The following MYO1E variants were observed in gnomAD, a reference collection of about 807,000 sequenced individuals.
The protein encoded by MYO1E is unconventional myosin-Ie.
In MYO1E, 68 loss-of-function variants were observed where a neutral mutation model predicts 151.1. The observed-to-expected ratio is 0.45, with a 90% CI of 0.37 to 0.55. The LOEUF (loss-of-function observed/expected upper bound fraction) is 0.55, where lower values mean the gene tolerates loss of function less well. MYO1E is among the 20% of genes least tolerant of loss of function. The probability of loss-of-function intolerance (pLI) is 0.00; values close to 1 mark genes in which losing one functional copy is unlikely to be tolerated. For synonymous variants in MYO1E, 601 were observed against 501.7 expected, an observed-to-expected ratio of 1.20 and a Z score of -2.64; for missense variants, 1,363 against 1,389.3, an observed-to-expected ratio of 0.98 and a Z score of 0.30.
intron 18 of MYO1E, among the ~76,000 whole-genome samples, chr15:59,181,174 C>T (rs551193227): frequency 6.6e-6 from 1 of 152,134 alleles, no homozygotes; most frequent in African/African-American, 2.4e-5. Context: ...CTCTCTTGCC[C>T]GTGAAGTGGA....
At chr15:59,154,910 C>G (rs1405585752) in intron 25 of MYO1E, among the ~76,000 whole-genome samples, 1 of 152,212 alleles carries the variant, frequency 6.6e-6, no homozygotes, top group Non-Finnish European at 1.5e-5. Context: ...AAGAGGGTGG[C>G]TCCTCATCCA....
intron 1 of MYO1E, among the ~76,000 whole-genome samples, chr15:59,313,972 C>CG (rs1292959245): frequency 6.6e-6 from 1 of 152,166 alleles, no homozygotes; most frequent in Non-Finnish European, 1.5e-5. Flanking sequence ...AGTTAGACAG[C>CG]GTGGCCTCCT....
intron 1 of MYO1E, among the ~76,000 whole-genome samples, chr15:59,353,403 G>GA (rs1209156166): frequency 4.5e-4 from 60 of 133,784 alleles, no homozygotes; most frequent in East Asian, 3.3e-3. Context: ...AGAAAAAAAA[G>GA]AAAAAAAAAT....
chr15:59,370,959 G>A (rs2080940806), intron 1 of MYO1E, among the ~76,000 whole-genome samples: 1 of 152,120 alleles, frequency 6.6e-6, no homozygotes, highest in African/African-American at 2.4e-5. Context: ...CCAAACACAT[G>A]CCCAATGGGA....
chr15:59,243,901 C>G (rs1168508711), intron 4 of MYO1E, among the ~76,000 whole-genome samples: 3 of 151,872 alleles, frequency 2.0e-5, no homozygotes, highest in Admixed American at 1.3e-4. Flanking sequence ...ACTCCGCTTC[C>G]TGGCAGCCCT....
At chr15:59,161,034 C>T (rs370901159) in intron 24 of MYO1E, 39 bp downstream of exon 24, 35 of 1,611,162 alleles carry the variant, frequency 2.2e-5, no homozygotes, top group East Asian at 4.5e-5. Context: ...CTCGGGGGAG[C>T]GGCGGCAGTT....
Position 59,354,602 on chromosome 15 carries a change from TATC to T in MYO1E, c.3+17893_3+17895del, listed in dbSNP as rs779554670. On this transcript the variant is annotated intron_variant, in intron 1 of 27. Transcript: ENST00000288235. Reference sequence around the variant, plus strand: ...ATGTGAACCTAAATGTGATAATAAATATCAGGCTCCAAAATGGTGCCCAGGTGG... The same window carrying T: ...ATGTGAACCTAAATGTGATAATAAATAGGCTCCAAAATGGTGCCCAGGTGG... 2.6e-5 allele frequency among the ~76,000 whole-genome samples: 4 copies of T among 151,990 alleles called. No individual in the cohort carries two copies. The East Asian group carries it at 7.8e-4, about 30-fold the overall frequency.
Position 59,314,422 on chromosome 15 carries a change from G to C in MYO1E, c.4-41973C>G, listed in dbSNP as rs572838930. Among the ~76,000 whole-genome samples the C allele has an allele frequency of 3.3e-5, 5 of 152,272 alleles. 1 individual carries two copies. The highest frequency in any genetic ancestry group is 1.2e-4 in the African/African-American group (5 of 41,542). ...TCCCTCCTTCCCACATACTGTGAGG[G>C]ATACCTATTGAGTTGCCTGCCCTGA... is the stretch of plus-strand genomic sequence containing the variant. On this transcript the variant is annotated intron_variant, in intron 1 of 27. Coordinates refer to ENST00000288235, the MANE Select transcript of MYO1E (RefSeq NM_004998.4).
intron 18 of MYO1E, among the ~76,000 whole-genome samples, chr15:59,187,759 G>A (rs1027392768): frequency 1.3e-5 from 2 of 152,200 alleles, no homozygotes; most frequent in African/African-American, 4.8e-5. Context: ...TAACAGGAAG[G>A]AAGCATGGAA....
At position 59,159,281 on chromosome 15, in the gene MYO1E, A is replaced by G. The variant is rs1566966893; in HGVS notation, c.2786-902T>C. Among the ~76,000 whole-genome samples the G allele has an allele frequency of 6.6e-6, 1 of 152,342 alleles. No homozygotes were observed. The highest frequency in any genetic ancestry group is 6.5e-5 in the Admixed American group (1 of 15,304). ...ACCTAGGCCACTCTCGCCACCCCAAATAAGATAGAATCCAACACCTATTGG... is the reference window on the plus strand; with the variant it reads ...ACCTAGGCCACTCTCGCCACCCCAAGTAAGATAGAATCCAACACCTATTGG... On this transcript the variant is annotated intron_variant, in intron 24 of 27. Transcript: ENST00000288235. This position sits in a 1 kb window ranked among gnomAD's most constrained non-coding sequence, Gnocchi z 4.4.
At chr15:59,305,560 GC>G (rs1364705324) in intron 1 of MYO1E, among the ~76,000 whole-genome samples, 3 of 152,040 alleles carry the variant, frequency 2.0e-5, no homozygotes, top group East Asian at 1.9e-4. Flanking sequence ...GTATTAAACT[GC>G]CCCTTGAACT....
At chr15:59,236,740 C>G (rs575704718) in intron 4 of MYO1E, 68 bp from the exon 5 acceptor site, 146 of 1,342,634 alleles carry the variant, frequency 1.1e-4, no homozygotes, top group Non-Finnish European at 1.4e-4. Context: ...CTTGTCTCCC[C>G]CATCACACAA....
chr15:59,233,514 A>T (rs1435407058), intron 5 of MYO1E, among the ~76,000 whole-genome samples: 2 of 152,026 alleles, frequency 1.3e-5, no homozygotes, highest in African/African-American at 4.8e-5. Context: ...AAATACAAAA[A>T]TTAGCTGGGC....
At chr15:59,234,709 C>G (rs1015983622) in intron 5 of MYO1E, among the ~76,000 whole-genome samples, 3 of 150,838 alleles carry the variant, frequency 2.0e-5, no homozygotes, top group African/African-American at 4.9e-5. Flanking sequence ...GTGGTCCCAG[C>G]TACTTGGGAG....
chr15:59,164,262 T>C (rs527262748), intron 22 of MYO1E, among the ~76,000 whole-genome samples: 1 of 152,022 alleles, frequency 6.6e-6, no homozygotes, highest in East Asian at 1.9e-4. Context: ...GACTATAATA[T>C]ATAAGTTTAC....
At chr15:59,139,439 CATT>C (rs1303133148) in intron 26 of MYO1E, among the ~76,000 whole-genome samples, 4 of 148,404 alleles carry the variant, frequency 2.7e-5, no homozygotes, top group Non-Finnish European at 5.9e-5. Flanking sequence ...CCCACCCCTT[CATT>C]ATTACTCCTC....
intron 12 of MYO1E, 86 bp from the exon 13 acceptor site, chr15:59,210,686 A>C (rs2079873460): frequency 1.5e-5 from 14 of 919,824 alleles, no homozygotes; most frequent in Non-Finnish European, 2.5e-5. Context: ...AAAAATTCCC[A>C]TAAAAGAGAA....
intron 22 of MYO1E, among the ~76,000 whole-genome samples, chr15:59,169,226 A>G: frequency 6.6e-6 from 1 of 152,224 alleles, no homozygotes; most frequent in East Asian, 1.9e-4. Context: ...CATTCCAGCC[A>G]ATAGTCAACT....
intron 1 of MYO1E, among the ~76,000 whole-genome samples, chr15:59,286,647 G>A (rs4775146): frequency 0.77 from 116,897 of 151,982 alleles, 45,523 homozygotes; most frequent in Middle Eastern, 0.84. Flanking sequence ...GGAGTCCAGG[G>A]AAACAAGCCA....
Sources: gnomAD v4.1 joint callset for allele counts (sites outside exome capture counted in the v4.1 genomes callset) on GRCh38, gnomAD v4.1.1 for gene constraint, Gnocchi (gnomAD v3.1) non-coding constraint, MANE v1.5 for transcripts, NCBI Gene and HGNC (gene_info 2026-07-23, HGNC 2026-07-21) for gene names.